The following MEIKIN variants were observed in gnomAD, a reference collection of about 807,000 sequenced individuals.
MEIKIN encodes the protein meiotic kinetochore factor.
intron 5 of MEIKIN, among the ~76,000 whole-genome samples, chr5:131,925,662 GTTTT>G (rs568998910): frequency 4.0e-4 from 61 of 151,278 alleles, no homozygotes; most frequent in African/African-American, 1.4e-3. Flanking sequence ...AAGTTTTTGT[GTTTT>G]TTTTGTTTTT....
intron 11 of MEIKIN, among the ~76,000 whole-genome samples, chr5:131,826,687 TAGTG>T (rs1749613744): frequency 6.6e-6 from 1 of 152,152 alleles, no homozygotes; most frequent in African/African-American, 2.4e-5. Context: ...GTTCTTGTGA[TAGTG>T]AGTGAGTTCT....
chr5:131,937,869 TC>T, intron 4 of MEIKIN, among the ~76,000 whole-genome samples: 1 of 152,262 alleles, frequency 6.6e-6, no homozygotes, highest in African/African-American at 2.4e-5. Context: ...GGTTTTTTTT[TC>T]ATTTATTGGG....
intron 12 of MEIKIN, among the ~76,000 whole-genome samples, chr5:131,816,613 C>T (rs191039856): frequency 5.3e-5 from 8 of 152,232 alleles, no homozygotes; most frequent in African/African-American, 9.6e-5. Flanking sequence ...AATTTGCATA[C>T]GTTAGGCCTT....
intron 8 of MEIKIN, among the ~76,000 whole-genome samples, chr5:131,884,529 A>C (rs1177125603): frequency 2.7e-5 from 4 of 150,258 alleles, no homozygotes; most frequent in Non-Finnish European, 5.9e-5. Flanking sequence ...AATAACCAGC[A>C]ATGATACCAG....
At chr5:131,846,254 G>T (rs895057953) in intron 11 of MEIKIN, among the ~76,000 whole-genome samples, 2 of 152,162 alleles carry the variant, frequency 1.3e-5, no homozygotes, top group Admixed American at 6.5e-5. Flanking sequence ...CACTAGATTT[G>T]CCCTGCAAGA....
At chr5:131,854,027 A>G (rs1330288686) in intron 10 of MEIKIN, among the ~76,000 whole-genome samples, 1 of 152,248 alleles carries the variant, frequency 6.6e-6, no homozygotes, top group Non-Finnish European at 1.5e-5. Flanking sequence ...GGACTCAAAC[A>G]TATATTTGTA....
intron 11 of MEIKIN, among the ~76,000 whole-genome samples, chr5:131,834,852 T>C (rs1451170401): frequency 2.6e-5 from 4 of 152,216 alleles, no homozygotes. Flanking sequence ...CCTATATTTT[T>C]AATTTTTTGA....
intron 11 of MEIKIN, among the ~76,000 whole-genome samples, chr5:131,832,803 G>C (rs1377003957): frequency 6.6e-6 from 1 of 152,234 alleles, no homozygotes; most frequent in African/African-American, 2.4e-5. Flanking sequence ...CCCAAGCTCT[G>C]CGTTCACCCC....
chr5:131,825,423 A>T (rs956990975), intron 11 of MEIKIN, among the ~76,000 whole-genome samples: 1 of 152,208 alleles, frequency 6.6e-6, no homozygotes, highest in Non-Finnish European at 1.5e-5. Flanking sequence ...AAAATTGGCA[A>T]AGGGAAAAGA....
At chr5:131,839,874 G>A (rs1352251103) in intron 11 of MEIKIN, among the ~76,000 whole-genome samples, 1 of 152,104 alleles carries the variant, frequency 6.6e-6, no homozygotes, top group Non-Finnish European at 1.5e-5. Context: ...GAAATGTATG[G>A]ATTTGATCCT....
At chr5:131,920,511 C>A (rs1273390252) in intron 6 of MEIKIN, among the ~76,000 whole-genome samples, 2 of 152,120 alleles carry the variant, frequency 1.3e-5, no homozygotes, top group Non-Finnish European at 2.9e-5. Context: ...AAAACATAAT[C>A]TTTAATTGGA....
intron 12 of MEIKIN, among the ~76,000 whole-genome samples, chr5:131,808,669 T>C (rs1772893100): frequency 6.6e-6 from 1 of 152,242 alleles, no homozygotes; most frequent in Non-Finnish European, 1.5e-5. Flanking sequence ...ATACTTATTT[T>C]TTCAACTTTG....
intron 8 of MEIKIN, among the ~76,000 whole-genome samples, chr5:131,897,612 G>T (rs1751075356): frequency 6.6e-6 from 1 of 151,918 alleles, no homozygotes; most frequent in Admixed American, 6.6e-5. Context: ...CTCTAATCTT[G>T]TCTTCTCGCT....
chr5:131,829,846 G>A (rs1749682743), intron 11 of MEIKIN, among the ~76,000 whole-genome samples: 1 of 152,174 alleles, frequency 6.6e-6, no homozygotes, highest in Non-Finnish European at 1.5e-5. Flanking sequence ...AGAAGAAAGT[G>A]CCTCCCCTAA....
At chr5:131,881,414 T>C (rs1455448112) in intron 8 of MEIKIN, among the ~76,000 whole-genome samples, 2 of 152,064 alleles carry the variant, frequency 1.3e-5, no homozygotes, top group African/African-American at 2.4e-5. Context: ...GCCGGATATT[T>C]CTCCCTTTCC....
At chr5:131,901,957 T>C (rs1300859918) in intron 8 of MEIKIN, among the ~76,000 whole-genome samples, 1 of 152,152 alleles carries the variant, frequency 6.6e-6, no homozygotes, top group African/African-American at 2.4e-5. Context: ...GATTAGATCA[T>C]GGGGGTAGTT....
intron 9 of MEIKIN, among the ~76,000 whole-genome samples, chr5:131,861,569 C>T (rs1028521372): frequency 6.6e-6 from 1 of 152,112 alleles, no homozygotes; most frequent in African/African-American, 2.4e-5. Flanking sequence ...CCCATTCAGT[C>T]TGATGTCAGC....
intron 11 of MEIKIN, among the ~76,000 whole-genome samples, chr5:131,821,091 A>G (rs1749488903): frequency 6.6e-6 from 1 of 152,046 alleles, no homozygotes; most frequent in Admixed American, 6.5e-5. Flanking sequence ...ATGCGTCATT[A>G]GATTGCTTAT....
rs1315035831 is a variant in MEIKIN, at chr5:131,878,049, T to C, written c.774+929A>G. On this transcript the variant is annotated intron_variant, in intron 9 of 12. Transcript: ENST00000442687. ...CAGTTATCAGATCAAAAACATGTAG[T>C]ATATATAGGGTTCAGTACTATCCAC... Among the ~76,000 whole-genome samples, 50 of 152,198 alleles carry C rather than the reference T, an allele frequency of 3.3e-4. 1 individual carries two copies. Among genetic ancestry groups the C allele is most frequent in the Admixed American group, 3.3e-3 (50 of 15,278 alleles).
Sources: gnomAD v4.1 joint callset for allele counts (sites outside exome capture counted in the v4.1 genomes callset) on GRCh38, gnomAD v4.1.1 for gene constraint, MANE v1.5 for transcripts, NCBI Gene and HGNC (gene_info 2026-07-23, HGNC 2026-07-21) for gene names.